Variants in WDR18 observed in about 807,000 individuals in gnomAD.
WDR18 encodes the protein WD repeat domain 18.
In WDR18, 33 loss-of-function variants were observed where a neutral mutation model predicts 49.6. The observed-to-expected ratio is 0.67, with a 90% CI of 0.50 to 0.89. The LOEUF (loss-of-function observed/expected upper bound fraction) is 0.89. WDR18 is among the 40% of genes least tolerant of loss of function. WDR18 has a pLI of 0.00. For missense variants in WDR18, 653 were observed against 593.6 expected, an observed-to-expected ratio of 1.10 and a Z score of -1.04; for synonymous variants, 315 against 263.6, an observed-to-expected ratio of 1.19 and a Z score of -1.89.
At chr19:984,606 A>G in intron 1 of WDR18, 43 bp downstream of exon 1, 4 of 1,378,150 alleles carry the variant, frequency 2.9e-6, no homozygotes, top group Admixed American at 3.5e-5. Context: ...GGGGCGCCCG[A>G]GGCTGAAGTC....
At position 990,020 on chromosome 19, in the gene WDR18, T is replaced by G. The variant is rs1055520075; in HGVS notation, c.455+125T>G. The G allele has an allele frequency of 5.5e-6, 8 of 1,455,052 alleles. No individual in the cohort carries two copies. The African/African-American group carries it at 1.1e-4, about 21-fold the overall frequency. 90.1% of individuals were successfully genotyped at this position (1,455,052 alleles called of 1,614,324 possible). A position where few individuals can be genotyped will look rare whatever the true frequency, so the allele number is the denominator to read the frequency against. On this transcript the variant is annotated intron_variant, in intron 3 of 9. Transcript: ENST00000585809. ...GGGGGCTGGAGTGCAGAGGACGGAG[T>G]GATCATCCCAGGGGTCCTGGCTGCC...
chr19:988,281 A>C (rs1599445171), intron 2 of WDR18, among the ~76,000 whole-genome samples: 1 of 151,238 alleles, frequency 6.6e-6, no homozygotes, highest in African/African-American at 2.4e-5. Context: ...GTGAGCGGTG[A>C]GTCAGGAGTG....
At chr19:985,603 C>A (rs2038466390) in intron 1 of WDR18, among the ~76,000 whole-genome samples, 1 of 152,112 alleles carries the variant, frequency 6.6e-6, no homozygotes, top group Admixed American at 6.6e-5. Flanking sequence ...TTGTTCTGTT[C>A]CTGTACTCCT....
intron 7 of WDR18, 63 bp from the exon 8 acceptor site, chr19:991,892 T>C (rs71335285): frequency 0.84 from 1,175,704 of 1,406,776 alleles, 493,647 homozygotes; most frequent in Middle Eastern, 0.86. Context: ...GGGGCGGAAC[T>C]TGGCTTGCTG....
At chr19:984,344 G>A (rs956882462), upstream of WDR18, 7 of 1,585,558 alleles carry the variant, frequency 4.4e-6, no homozygotes, top group Non-Finnish European at 6.0e-6. Flanking sequence ...GGGGCGGTGG[G>A]GAAGGCAAGA....
upstream of WDR18, among the ~76,000 whole-genome samples, chr19:983,366 A>G (rs2038437871): frequency 6.6e-6 from 1 of 151,928 alleles, no homozygotes; most frequent in Non-Finnish European, 1.5e-5. Flanking sequence ...ATCTCGGCTC[A>G]CTGAGACCTC....
intron 1 of WDR18, among the ~76,000 whole-genome samples, chr19:984,775 G>A (rs750973751): frequency 1.3e-5 from 2 of 151,616 alleles, no homozygotes; most frequent in Non-Finnish European, 2.9e-5. Context: ...CGGGGCTCAG[G>A]CCTGAGCTGC....
rs1239743064 is a variant in WDR18 at position 993,258 on chromosome 19, C to T, written c.1099-762C>T. On this transcript the variant is annotated intron_variant, in intron 8 of 9. Transcript: ENST00000585809. ...CCAGCTCCACGCTAGGGCGCCTGCCCGGCCACTGCCTCCTCCTAGGGCAGC... is the reference window on the plus strand; with the variant it reads ...CCAGCTCCACGCTAGGGCGCCTGCCTGGCCACTGCCTCCTCCTAGGGCAGC... Among the ~76,000 whole-genome samples the T allele has an allele frequency of 2.6e-5, 4 of 152,348 alleles. No homozygotes were observed. The South Asian group carries it at 8.3e-4, about 32-fold the overall frequency.
chr19:991,853 A>T, intron 7 of WDR18, 102 bp from the exon 8 acceptor site: 2 of 1,060,420 alleles, frequency 1.9e-6, no homozygotes, highest in Non-Finnish European at 2.3e-6. Flanking sequence ...TGGGGCGGGG[A>T]CTGGCTGGGG....
At chr19:993,707 C>T (rs1361320651) in intron 8 of WDR18, among the ~76,000 whole-genome samples, 3 of 130,508 alleles carry the variant, frequency 2.3e-5, no homozygotes, top group Non-Finnish European at 5.1e-5. Flanking sequence ...CCTGGGCTTG[C>T]GGGTCCTTCC....
intron 8 of WDR18, among the ~76,000 whole-genome samples, chr19:993,073 G>C (rs572223516): frequency 6.6e-6 from 1 of 152,218 alleles, no homozygotes; most frequent in Admixed American, 6.5e-5. Flanking sequence ...GCAGGCAGGG[G>C]ACCGCCACCG....
At chr19:988,795 G>C (rs2038502777) in intron 2 of WDR18, among the ~76,000 whole-genome samples, 1 of 152,134 alleles carries the variant, frequency 6.6e-6, no homozygotes, top group African/African-American at 2.4e-5. Flanking sequence ...CTGCCGCGTG[G>C]AGCCCCTGTG....
intron 2 of WDR18, among the ~76,000 whole-genome samples, chr19:987,329 C>A (rs1432630800): frequency 6.6e-6 from 1 of 152,152 alleles, no homozygotes; most frequent in Non-Finnish European, 1.5e-5. Flanking sequence ...GGTGACAGAG[C>A]AAGACCTTGT....
At chr19:984,626 G>A in intron 1 of WDR18, 63 bp downstream of exon 1, 4 of 1,356,962 alleles carry the variant, frequency 2.9e-6, no homozygotes, top group East Asian at 3.0e-5. Context: ...CGGGGGATGG[G>A]TTGGTGGGGG....
chr19:989,020 C>T (rs3815159), intron 2 of WDR18, among the ~76,000 whole-genome samples: 40,583 of 102,342 alleles, frequency 0.4, 7,423 homozygotes, highest in Non-Finnish European at 0.48. Context: ...GAATCCACAA[C>T]CCCCCACAGA....
chr19:987,874 G>T (rs1290177514), intron 2 of WDR18, among the ~76,000 whole-genome samples: 1 of 126,334 alleles, frequency 7.9e-6, no homozygotes. Flanking sequence ...TCGCTCTGTT[G>T]CCCGGGCTGG....
In WDR18 at chr19:990,184, C is replaced by T. The variant is rs562300147; in HGVS notation, c.456-39C>T. The stretch of plus-strand genomic sequence containing the variant: ...GAGGCGTGGACTGCCCTGTTCCCTC[C>T]GCTCCCCGCCTGCTGAGCACCTGCC... On this transcript the variant is annotated intron_variant, in intron 3 of 9. Transcript: ENST00000585809. The T allele has an allele frequency of 2.0e-5, 32 of 1,566,758 alleles. No individual in the cohort carries two copies. The South Asian group carries it at 2.4e-4, about 12-fold the overall frequency.
At chr19:992,191 C>T in intron 8 of WDR18, 70 bp downstream of exon 8, 4 of 1,384,484 alleles carry the variant, frequency 2.9e-6, no homozygotes, top group Admixed American at 3.4e-5. Context: ...TGGGCTCCTT[C>T]GCTCCCTTGG....
chr19:988,610 C>T (rs1002910218), intron 2 of WDR18, among the ~76,000 whole-genome samples: 6 of 152,200 alleles, frequency 3.9e-5, no homozygotes, highest in Non-Finnish European at 5.9e-5. Context: ...CAGGGACTTT[C>T]GACAACAGAA....
Sources: gnomAD v4.1 joint callset for allele counts (sites outside exome capture counted in the v4.1 genomes callset) on GRCh38, gnomAD v4.1.1 for gene constraint, MANE v1.5 for transcripts, NCBI Gene and HGNC (gene_info 2026-07-23, HGNC 2026-07-21) for gene names.